Variants in HOOK3 observed in about 807,000 individuals in gnomAD.
HOOK3 encodes the protein protein Hook homolog 3.
HOOK3 carries 24 observed loss-of-function variants against 116.3 expected under a neutral mutation model. The ratio of observed to expected loss-of-function variants is 0.21; its 90% confidence interval spans 0.15 to 0.29. The LOEUF is 0.29. Among genes scored for constraint, HOOK3 ranks in the 10% least tolerant of loss-of-function variants. The pLI is 1.00. For missense variants in HOOK3, 632 were observed against 830.2 expected, an observed-to-expected ratio of 0.76 and a Z score of 2.93; for synonymous variants, 275 against 283.0, an observed-to-expected ratio of 0.97 and a Z score of 0.28.
intron 2 of HOOK3, among the ~76,000 whole-genome samples, chr8:42,911,180 G>C (rs530414241): frequency 2.0e-5 from 3 of 152,198 alleles, no homozygotes; most frequent in African/African-American, 7.2e-5. Flanking sequence ...GGTCGGGTGC[G>C]GTGGCTCACG....
chr8:43,014,455 G>A (rs1418187090), intron 21 of HOOK3, among the ~76,000 whole-genome samples: 1 of 151,564 alleles, frequency 6.6e-6, no homozygotes, highest in South Asian at 2.1e-4. Context: ...AGGTTCAAGC[G>A]ATTCTTCTGC....
chr8:42,897,244 A>T lies in HOOK3; in HGVS notation c.57+56A>T, dbSNP rs367697887. On this transcript the variant is annotated intron_variant, in intron 1 of 21. Coordinates refer to ENST00000307602, the MANE Select transcript of HOOK3 (RefSeq NM_032410.4). ...CCCCCTCCCCCCGCCACCTACCGGG[A>T]CCCTCCACGCGCGGCCCGTGGGGCG... 55 of 1,156,896 alleles carry T rather than the reference A, an allele frequency of 4.8e-5. 1 individual carries two copies. The East Asian group carries it at 7.4e-4, about 16-fold the overall frequency. The allele number at this position is 1,156,896 out of a possible 1,614,324, so 71.7% of individuals were successfully genotyped here.
rs137906382 is a variant in HOOK3 at position 42,909,072 on chromosome 8, T to G, written c.143+2814T>G. ...CATATGAAAAAATGCTCATCACTGA[T>G]CACCAGGGAAATATAAATTAAAACC... On this transcript the variant is annotated intron_variant, in intron 2 of 21. Coordinates refer to ENST00000307602, the MANE Select transcript of HOOK3 (RefSeq NM_032410.4). 3.7e-3 allele frequency among the ~76,000 whole-genome samples: 565 copies of G among 152,268 alleles called. 4 individuals carry two copies. Among genetic ancestry groups the G allele is most frequent in the Non-Finnish European group, 4.3e-3 (291 of 68,024 alleles).
At chr8:42,913,219 A>G (rs546514618) in intron 2 of HOOK3, among the ~76,000 whole-genome samples, 154 of 152,250 alleles carry the variant, frequency 1.0e-3, no homozygotes, top group Non-Finnish European at 1.0e-3. Flanking sequence ...TATCCCCACA[A>G]TCAAGGCAAT....
At position 42,959,152 on chromosome 8, in the gene HOOK3, T is replaced by G. The variant is rs1056677839; in HGVS notation, c.532-79T>G. 6.0e-5 allele frequency: 56 copies of G among 932,842 alleles called. No homozygotes were observed. In the South Asian group the frequency reaches 8.4e-4, roughly 14 times the overall value. 57.8% of individuals were successfully genotyped at this position (932,842 alleles called of 1,614,324 possible). ...TTCAGGAAAGACAGGGGGGAGATGTTTTAATTCTGTGTTGAACATACGAAT... is the reference window on the plus strand; with the variant it reads ...TTCAGGAAAGACAGGGGGGAGATGTGTTAATTCTGTGTTGAACATACGAAT... On this transcript the variant is annotated intron_variant, in intron 7 of 21. Transcript: ENST00000307602.
chr8:42,927,262 G>GTTT (rs1354079234), intron 3 of HOOK3, among the ~76,000 whole-genome samples: 11 of 124,558 alleles, frequency 8.8e-5, no homozygotes, highest in Non-Finnish European at 1.3e-4. Context: ...TTTTTTTTTG[G>GTTT]TTTTTTTTTT....
At position 42,944,903 on chromosome 8, in the gene HOOK3, C is replaced by T. The variant is rs191925959; in HGVS notation, c.400+1458C>T. ...CTAAGCATGTAAATCTGAAAACTGT[C>T]TTTTATTTTTTCCCATGTCCTTTGT... On this transcript the variant is annotated intron_variant, in intron 5 of 21. Transcript: ENST00000307602. Among the ~76,000 whole-genome samples the T allele has an allele frequency of 1.9e-4, 29 of 152,232 alleles. No individual in the cohort carries two copies. In the East Asian group the frequency reaches 5.2e-3, roughly 27 times the overall value.
intron 2 of HOOK3, among the ~76,000 whole-genome samples, chr8:42,922,387 A>G (rs1349337779): frequency 1.3e-5 from 2 of 151,958 alleles, no homozygotes; most frequent in African/African-American, 2.4e-5. Context: ...ACCAAAAAAA[A>G]AAAGAAAGAA....
rs530869947 is a variant in HOOK3 at position 43,028,806 on chromosome 8, T to C, written c.*10308T>C. The C allele has an allele frequency of 2.1e-4, 41 of 198,932 alleles. No homozygotes were observed. Among genetic ancestry groups the C allele is most frequent in the African/African-American group, 8.7e-4 (38 of 43,542 alleles). The allele number at this position is 198,932 out of a possible 1,614,324, so 12.3% of individuals were successfully genotyped here. A position where few individuals can be genotyped will look rare whatever the true frequency, so the allele number is the denominator to read the frequency against. On this transcript the variant is annotated 3_prime_UTR_variant, in exon 22 of 22. Coordinates refer to ENST00000307602, the MANE Select transcript of HOOK3 (RefSeq NM_032410.4). ...TAACCATAATCCTTTTGAGTCAGCT[T>C]GGTGCTTACAATTATTTTGTTAGGA...
At chr8:43,011,138 G>A (rs530571125) in intron 19 of HOOK3, among the ~76,000 whole-genome samples, 30 of 152,016 alleles carry the variant, frequency 2.0e-4, no homozygotes, top group South Asian at 4.2e-4. Flanking sequence ...GACTACAGGC[G>A]CCTGCCACCA....
chr8:42,903,520 A>G (rs1042444904), intron 1 of HOOK3, among the ~76,000 whole-genome samples: 57 of 150,022 alleles, frequency 3.8e-4, no homozygotes, highest in Non-Finnish European at 5.8e-4. Flanking sequence ...AATTTTTTGT[A>G]TTTTTAGTAG....
intron 1 of HOOK3, among the ~76,000 whole-genome samples, chr8:42,902,338 C>T (rs1313787741): frequency 6.6e-6 from 1 of 151,552 alleles, no homozygotes; most frequent in African/African-American, 2.4e-5. Context: ...GTGGAGCAGT[C>T]ACAGCTCACT....
At chr8:43,014,498 C>T (rs761095409) in intron 21 of HOOK3, among the ~76,000 whole-genome samples, 45 of 151,918 alleles carry the variant, frequency 3.0e-4, no homozygotes, top group Non-Finnish European at 5.3e-4. Flanking sequence ...ACTACAGATG[C>T]CTGCCAGCAC....
At chr8:42,938,072 C>A (rs1441847057) in intron 4 of HOOK3, among the ~76,000 whole-genome samples, 1 of 152,068 alleles carries the variant, frequency 6.6e-6, no homozygotes, top group Non-Finnish European at 1.5e-5. Context: ...TCTGGGTGCT[C>A]CTGTATTGGG....
At chr8:42,928,293 AAAAC>A (rs1204610065) in intron 3 of HOOK3, among the ~76,000 whole-genome samples, 33 of 149,992 alleles carry the variant, frequency 2.2e-4, no homozygotes, top group African/African-American at 6.4e-4. Context: ...AAAAAAAAGA[AAAAC>A]AAAATTAGTC....
intron 1 of HOOK3, among the ~76,000 whole-genome samples, chr8:42,899,212 C>A (rs775934874): frequency 1.3e-5 from 2 of 152,180 alleles, no homozygotes; most frequent in African/African-American, 2.4e-5. Context: ...GCTGACAGAA[C>A]CTGACAACAT....
intron 14 of HOOK3, among the ~76,000 whole-genome samples, chr8:42,984,868 C>T (rs1392407111): frequency 6.6e-6 from 1 of 152,154 alleles, no homozygotes; most frequent in Non-Finnish European, 1.5e-5. Context: ...GCGCCACAGT[C>T]CTCCAGCCTG....
rs574091066 is a variant in HOOK3 at position 42,954,284 on chromosome 8, T to C, written c.469-2810T>C. 7.7e-4 allele frequency among the ~76,000 whole-genome samples: 118 copies of C among 152,338 alleles called. 1 individual carries two copies. Among genetic ancestry groups the C allele is most frequent in the Non-Finnish European group, 1.3e-3 (90 of 68,036 alleles). On this transcript the variant is annotated intron_variant, in intron 6 of 21. Coordinates refer to ENST00000307602, the MANE Select transcript of HOOK3 (RefSeq NM_032410.4). ...TCTATATTTTTAAATTTTTCTATAA[T>C]AACAGGTGGTATATCTATAACCAGG...
rs990283473 is a variant in HOOK3 at position 43,025,742 on chromosome 8, G to C, written c.*7244G>C. On this transcript the variant is annotated 3_prime_UTR_variant, in exon 22 of 22. Transcript: ENST00000307602. ...AAGAAATCTGCGGTGGCTGAAAATC[G>C]TGACCAACTTGGTGTTATCTAGATC... The C allele has an allele frequency of 4.6e-6, 1 of 215,946 alleles. No individual in the cohort carries two copies. 13.4% of individuals were successfully genotyped at this position (215,946 alleles called of 1,614,324 possible).
Sources: allele counts gnomAD v4.1 joint callset (sites outside exome capture counted in the v4.1 genomes callset), GRCh38; gene constraint gnomAD v4.1.1; transcripts MANE v1.5; gene names NCBI Gene and HGNC (gene_info 2026-07-23, HGNC 2026-07-21).